ATG5: variants seen among roughly 807,000 people sequenced by gnomAD.
ATG5 encodes autophagy protein 5.
A neutral mutation model predicts 36.5 loss-of-function variants in ATG5; 14 were observed. The ratio of observed to expected loss-of-function variants is 0.38; its 90% CI spans 0.25 to 0.60. ATG5 has a LOEUF of 0.60. Ranked by LOEUF, ATG5 falls within the 20% of genes least tolerant of loss-of-function variation. The probability of loss-of-function intolerance (pLI) is 0.60; values close to 1 mark genes in which losing one functional copy is unlikely to be tolerated. For synonymous variants in ATG5, 95 were observed against 101.5 expected, an observed-to-expected ratio of 0.94 and a Z score of 0.38; for missense variants, 195 against 326.7, an observed-to-expected ratio of 0.60 and a Z score of 3.11.
At chr6:106,235,733 C>T (rs1321799285) in intron 6 of ATG5, among the ~76,000 whole-genome samples, 6 of 151,954 alleles carry the variant, frequency 3.9e-5, no homozygotes, top group Admixed American at 6.6e-5. Context: ...GCATTCAAGC[C>T]GGCAACGGCT....
At chr6:106,284,071 G>C (rs1779984690) in intron 4 of ATG5, among the ~76,000 whole-genome samples, 3 of 152,124 alleles carry the variant, frequency 2.0e-5, no homozygotes, top group African/African-American at 7.2e-5. Context: ...TTATTCATCA[G>C]CTGATGGACA....
chr6:106,316,220 T>A lies in ATG5; in HGVS notation c.-12A>T, dbSNP rs772682612. 3 of 1,607,948 alleles carry A rather than the reference T, an allele frequency of 1.9e-6. No homozygotes were observed. Among genetic ancestry groups the A allele is most frequent in the East Asian group, 4.5e-5 (2 of 44,812 alleles). Reference sequence around the variant, plus strand: ...TTGTCATCTGTCATTCTTCCAGGAGTTAAAGCAGTACATACAGGCTAAATT... The same window carrying A: ...TTGTCATCTGTCATTCTTCCAGGAGATAAAGCAGTACATACAGGCTAAATT... On this transcript the variant is annotated 5_prime_UTR_variant, in exon 2 of 8. Coordinates refer to ENST00000369076, the MANE Select transcript of ATG5 (RefSeq NM_004849.4).
At chr6:106,298,713 C>A (rs534382555) in intron 3 of ATG5, among the ~76,000 whole-genome samples, 3 of 152,132 alleles carry the variant, frequency 2.0e-5, no homozygotes, top group African/African-American at 7.2e-5. Context: ...AATTAACATG[C>A]GGTTCAATAC....
intron 6 of ATG5, among the ~76,000 whole-genome samples, chr6:106,243,338 A>G (rs927696881): frequency 6.6e-6 from 1 of 152,186 alleles, no homozygotes; most frequent in African/African-American, 2.4e-5. Flanking sequence ...CTTTTTTGTA[A>G]CTAATGAACA....
At position 106,215,667 on chromosome 6, in the gene ATG5, TA is replaced by T. The variant is rs1748728671; in HGVS notation, c.574-13579del. On this transcript the variant is annotated intron_variant, in intron 6 of 7. Coordinates refer to ENST00000369076, the MANE Select transcript of ATG5 (RefSeq NM_004849.4). ...AAACTATAAAATTCTTTAAAAAAAATATAAGAGGAAACCTTCGTGACCTTGG... is the reference window on the plus strand; with the variant it reads ...AAACTATAAAATTCTTTAAAAAAAATTAAGAGGAAACCTTCGTGACCTTGG... Among the ~76,000 whole-genome samples, 6 of 151,848 alleles carry T rather than the reference TA, an allele frequency of 4.0e-5. No homozygotes were observed. The South Asian group carries it at 1.2e-3, about 32-fold the overall frequency.
chr6:106,263,889 A>C (rs998412741), intron 5 of ATG5, among the ~76,000 whole-genome samples: 2 of 151,964 alleles, frequency 1.3e-5, no homozygotes, highest in East Asian at 1.9e-4. Context: ...AAAAAAAAAA[A>C]AAAACAGCAC....
intron 1 of ATG5, among the ~76,000 whole-genome samples, chr6:106,321,238 G>A (rs867977661): frequency 1.3e-5 from 2 of 152,156 alleles, no homozygotes; most frequent in South Asian, 2.1e-4. Context: ...TAGTACATTT[G>A]GTAACCACTC....
intron 6 of ATG5, among the ~76,000 whole-genome samples, chr6:106,245,486 T>C (rs1778293965): frequency 6.6e-6 from 1 of 152,198 alleles, no homozygotes; most frequent in Non-Finnish European, 1.5e-5. Context: ...ATTTTTCATT[T>C]GTTCACTGAG....
At chr6:106,305,229 ATTTGT>A (rs970372949) in intron 3 of ATG5, among the ~76,000 whole-genome samples, 2 of 152,236 alleles carry the variant, frequency 1.3e-5, no homozygotes, top group Admixed American at 6.5e-5. Flanking sequence ...AGGAAAAATA[ATTTGT>A]TTTAAGAATA....
At position 106,198,523 on chromosome 6, in the gene ATG5, T is replaced by C. The variant is rs550790816; in HGVS notation, c.691+3449A>G. ...TGGGCATGGTAGCTCACACTTGTAATGCCAGCACTTTGGGAGGCTGAGGCG... is the reference window on the plus strand; with the variant it reads ...TGGGCATGGTAGCTCACACTTGTAACGCCAGCACTTTGGGAGGCTGAGGCG... On this transcript the variant is annotated intron_variant, in intron 7 of 7. Coordinates refer to ENST00000369076, the MANE Select transcript of ATG5 (RefSeq NM_004849.4). Among the ~76,000 whole-genome samples the C allele has an allele frequency of 3.5e-4, 53 of 152,324 alleles. No homozygotes were observed. In the South Asian group the frequency reaches 9.5e-3, roughly 27 times the overall value.
At chr6:106,235,436 C>T (rs952117076) in intron 6 of ATG5, among the ~76,000 whole-genome samples, 3 of 152,144 alleles carry the variant, frequency 2.0e-5, no homozygotes, top group Non-Finnish European at 4.4e-5. Flanking sequence ...GACTGGTCGT[C>T]AGCCAACCTC....
At chr6:106,194,666 T>A (rs924225415) in intron 7 of ATG5, among the ~76,000 whole-genome samples, 4 of 152,002 alleles carry the variant, frequency 2.6e-5, no homozygotes, top group Admixed American at 2.0e-4. Context: ...GCCTCCCAAG[T>A]AGCTGGGATT....
At chr6:106,292,287 AT>A (rs1780340304) in intron 4 of ATG5, among the ~76,000 whole-genome samples, 1 of 152,230 alleles carries the variant, frequency 6.6e-6, no homozygotes, top group South Asian at 2.1e-4. Context: ...TAATCAATTA[AT>A]ATAAGTGTTT....
chr6:106,308,512 A>G, intron 2 of ATG5, 21 bp from the exon 3 acceptor site: 1 of 1,510,802 alleles, frequency 6.6e-7, no homozygotes, highest in Non-Finnish European at 8.9e-7. Context: ...AATTTGTAAA[A>G]CCGTATTTAT....
At chr6:106,258,655 T>C (rs1305570264) in intron 5 of ATG5, among the ~76,000 whole-genome samples, 2 of 152,190 alleles carry the variant, frequency 1.3e-5, no homozygotes, top group African/African-American at 4.8e-5. Flanking sequence ...TAGCTGCTAG[T>C]GGGTGATACC....
intron 6 of ATG5, among the ~76,000 whole-genome samples, chr6:106,233,112 A>G (rs1777754711): frequency 6.6e-6 from 1 of 152,188 alleles, no homozygotes; most frequent in African/African-American, 2.4e-5. Flanking sequence ...AAGTGCTCTT[A>G]AATTTTCTCG....
At chr6:106,272,480 C>T (rs1469121894) in intron 5 of ATG5, among the ~76,000 whole-genome samples, 1 of 152,226 alleles carries the variant, frequency 6.6e-6, no homozygotes, top group African/African-American at 2.4e-5. Context: ...ACTTAGTAGG[C>T]TCTTTGCTTC....
At chr6:106,231,988 G>A (rs1032743623) in intron 6 of ATG5, among the ~76,000 whole-genome samples, 1 of 152,208 alleles carries the variant, frequency 6.6e-6, no homozygotes, top group Admixed American at 6.5e-5. Context: ...TGTCCAAATA[G>A]AAATAAGCCG....
chr6:106,228,129 C>T (rs937410418), intron 6 of ATG5, among the ~76,000 whole-genome samples: 7 of 152,188 alleles, frequency 4.6e-5, no homozygotes, highest in Non-Finnish European at 1.5e-5. Context: ...TAGAAAATAG[C>T]TTTATTGGGC....
Sources: gnomAD v4.1 joint callset for allele counts (sites outside exome capture counted in the v4.1 genomes callset) on GRCh38, gnomAD v4.1.1 for gene constraint, MANE v1.5 for transcripts, NCBI Gene and HGNC (gene_info 2026-07-23, HGNC 2026-07-21) for gene names.